The following TRPV4 variants were observed in gnomAD, a reference collection of about 807,000 sequenced individuals.
TRPV4 encodes the protein transient receptor potential cation channel subfamily V member 4.
TRPV4 carries 58 observed loss-of-function variants against 84.1 expected under a neutral mutation model. The observed-to-expected ratio is 0.69, with a 90% CI of 0.56 to 0.86. TRPV4 has a LOEUF of 0.86. TRPV4 is among the 40% of genes least tolerant of loss of function. TRPV4 has a pLI of 0.00. For synonymous variants in TRPV4, 489 were observed against 500.9 expected (o/e 0.98, Z 0.32); for missense variants, 879 against 1,181.1 (o/e 0.74, Z 3.75).
intron 1 of TRPV4, among the ~76,000 whole-genome samples, chr12:109,818,457 C>T (rs895286944): frequency 2.0e-5 from 3 of 152,058 alleles, no homozygotes; most frequent in African/African-American, 7.2e-5. Flanking sequence ...CTCAGAGAGG[C>T]TAAGCGACTT....
chr12:109,815,292 G>T lies in TRPV4; in HGVS notation c.-31-465C>A, dbSNP rs954030011. Among the ~76,000 whole-genome samples, 6 of 152,256 alleles carry T rather than the reference G, an allele frequency of 3.9e-5. No homozygotes were observed. The South Asian group carries it at 6.2e-4, about 16-fold the overall frequency. ...TATCCAAGCCTCATGGACAGAACAT[G>T]CAGTCCAGTGGCCAGTGCAGTGCAG... is the stretch of plus-strand genomic sequence containing the variant. On this transcript the variant is annotated intron_variant, in intron 1 of 15. Transcript: ENST00000261740. This position sits in a 1 kb window ranked among gnomAD's most constrained non-coding sequence, Gnocchi z 4.1.
At chr12:109,790,827 A>G (rs999116978) in intron 12 of TRPV4, among the ~76,000 whole-genome samples, 1 of 152,224 alleles carries the variant, frequency 6.6e-6, no homozygotes, top group Non-Finnish European at 1.5e-5. Context: ...CAGTGATGCC[A>G]TGCCAGGAGG....
At position 109,814,550 on chromosome 12, in the gene TRPV4, T is replaced by A; in HGVS notation, c.247A>T (p.Ile83Phe). The change falls in exon 2 of 16, where the codon ATC (isoleucine) becomes TTC (phenylalanine). Residue 83 changes from isoleucine to phenylalanine, a missense_variant. Coordinates refer to ENST00000261740, the MANE Select transcript of TRPV4 (RefSeq NM_021625.5). The surrounding 1 kb of genome is among the most constrained non-coding windows in gnomAD (Gnocchi z 5.4). ...GAFRKGVPNP[I>F]DLLESTLYES... ...TATAGGGTGGACTCCAGCAGATCGA[T>A]GGGGTTGGGCACCCCCTTGCGGAAG... The A allele has an allele frequency of 1.2e-6, 2 of 1,613,898 alleles. No individual in the cohort carries two copies. Among genetic ancestry groups the A allele is most frequent in the Non-Finnish European group, 1.7e-6 (2 of 1,179,976 alleles).
intron 2 of TRPV4, among the ~76,000 whole-genome samples, chr12:109,813,582 G>A (rs147390589): frequency 6.8e-4 from 104 of 152,280 alleles, no homozygotes; most frequent in African/African-American, 2.3e-3. Context: ...TTGTATAAAT[G>A]AGTGGGTGGA....
intron 1 of TRPV4, among the ~76,000 whole-genome samples, chr12:109,819,693 C>G (rs1435493754): frequency 2.6e-5 from 4 of 152,220 alleles, no homozygotes; most frequent in East Asian, 3.9e-4. Context: ...TCCCAAGTAG[C>G]TGGGATTACA....
intron 3 of TRPV4, among the ~76,000 whole-genome samples, chr12:109,804,435 T>G (rs889818605): frequency 6.6e-6 from 1 of 152,168 alleles, no homozygotes; most frequent in Non-Finnish European, 1.5e-5. Context: ...ACCATTTCTC[T>G]GCTTAGGGTC....
chr12:109,796,503 C>T lies in TRPV4; in HGVS notation c.1332+22G>A. Reference sequence around the variant, plus strand: ...GCCCTGCCCCTCCTTCCTCACACCCCATGCCCCCTCCTGGAGCCCACCTCA... The same window carrying T: ...GCCCTGCCCCTCCTTCCTCACACCCTATGCCCCCTCCTGGAGCCCACCTCA... On this transcript the variant is annotated intron_variant, in intron 7 of 15. Transcript: ENST00000261740. This position sits in a 1 kb window ranked among gnomAD's most constrained non-coding sequence, Gnocchi z 4.2. 1 of 1,613,846 alleles carries T rather than the reference C, an allele frequency of 6.2e-7. No individual in the cohort carries two copies. Among genetic ancestry groups the T allele is most frequent in the Non-Finnish European group, 8.5e-7 (1 of 1,179,908 alleles).
Position 109,800,600 on chromosome 12 carries a change from C to T in TRPV4, c.853+18G>A, listed in dbSNP as rs1890710906. The T allele has an allele frequency of 3.1e-6, 5 of 1,614,118 alleles. No homozygotes were observed. The highest frequency in any genetic ancestry group is 4.2e-6 in the Non-Finnish European group (5 of 1,180,012). On this transcript the variant is annotated intron_variant, in intron 5 of 15. Transcript: ENST00000261740. ...GCTTCTCCAGCATGCTGTCAGCCCC[C>T]ACCAGGCCCCTCCTTACCAAAGTAG...
chr12:109,819,986 G>C (rs746287497), intron 1 of TRPV4, among the ~76,000 whole-genome samples: 2 of 152,170 alleles, frequency 1.3e-5, no homozygotes, highest in Admixed American at 6.5e-5. Context: ...AGTTGTGTAG[G>C]ATGGACAAAG....
intron 1 of TRPV4, among the ~76,000 whole-genome samples, chr12:109,817,867 G>A (rs1891929202): frequency 6.6e-5 from 10 of 152,174 alleles, no homozygotes. Flanking sequence ...ACTGGCATCT[G>A]GTAGATCAAG....
intron 14 of TRPV4, among the ~76,000 whole-genome samples, chr12:109,785,040 G>A (rs971075470): frequency 6.6e-6 from 1 of 151,768 alleles, no homozygotes; most frequent in African/African-American, 2.4e-5. Flanking sequence ...ACCTTCTTTT[G>A]AGACAGGGTC....
At chr12:109,830,113 G>A (rs1892372514) in intron 1 of TRPV4, among the ~76,000 whole-genome samples, 1 of 152,164 alleles carries the variant, frequency 6.6e-6, no homozygotes, top group Admixed American at 6.5e-5. Context: ...ACTGCACCCG[G>A]CCAACTCAGG....
chr12:109,825,609 G>C (rs1207609996), intron 1 of TRPV4, among the ~76,000 whole-genome samples: 1 of 152,106 alleles, frequency 6.6e-6, no homozygotes, highest in Admixed American at 6.6e-5. Context: ...CTTTGGAAAG[G>C]GTTTCCTCGC....
At chr12:109,829,849 A>G (rs1221747986) in intron 1 of TRPV4, among the ~76,000 whole-genome samples, 1 of 152,252 alleles carries the variant, frequency 6.6e-6, no homozygotes, top group East Asian at 1.9e-4. Flanking sequence ...GTTTTGAGAC[A>G]GGATCTCTTG....
intron 5 of TRPV4, among the ~76,000 whole-genome samples, chr12:109,799,747 C>CT (rs1034753898): frequency 4.6e-5 from 7 of 151,086 alleles, no homozygotes; most frequent in Admixed American, 6.6e-5. Context: ...GAGGATTTGG[C>CT]TTTTTTTTTG....
chr12:109,802,694 G>A (rs1462491353), intron 4 of TRPV4, among the ~76,000 whole-genome samples: 6 of 151,280 alleles, frequency 4.0e-5, no homozygotes, highest in Non-Finnish European at 7.4e-5. Flanking sequence ...GGGCTCAAGC[G>A]ATCTGCCCCC....
At chr12:109,794,860 A>C (rs1189114995) in intron 7 of TRPV4, among the ~76,000 whole-genome samples, 1 of 152,080 alleles carries the variant, frequency 6.6e-6, no homozygotes, top group East Asian at 1.9e-4. Context: ...TCCACTAAAA[A>C]CACAACAATT....
intron 2 of TRPV4, among the ~76,000 whole-genome samples, chr12:109,813,503 G>A (rs1307352220): frequency 6.6e-6 from 1 of 152,046 alleles, no homozygotes; most frequent in Admixed American, 6.6e-5. Context: ...GGGTAAATGG[G>A]TAAATGGCTG....
At chr12:109,824,273 G>T (rs549089792) in intron 1 of TRPV4, among the ~76,000 whole-genome samples, 1 of 151,936 alleles carries the variant, frequency 6.6e-6, no homozygotes, top group South Asian at 2.1e-4. Context: ...CCACATAAAG[G>T]GTTTCAAACA....
Sources: gnomAD v4.1 joint callset for allele counts (sites outside exome capture counted in the v4.1 genomes callset) on GRCh38, gnomAD v4.1.1 for gene constraint, Gnocchi (gnomAD v3.1) non-coding constraint, MANE v1.5 for transcripts, NCBI Gene and HGNC (gene_info 2026-07-23, HGNC 2026-07-21) for gene names.